L3MBTL4: variants seen among roughly 807,000 people sequenced by gnomAD.
The protein encoded by L3MBTL4 is L3MBTL histone methyl-lysine binding protein 4.
Under a neutral mutation model 84.5 loss-of-function variants are expected in L3MBTL4, and 70 were observed. That is an observed-to-expected ratio of 0.83 (90% CI 0.68 to 1.01). L3MBTL4 has a LOEUF of 1.01. L3MBTL4 is among the 50% of genes least tolerant of loss of function. The pLI, the probability that L3MBTL4 is intolerant of heterozygous loss-of-function variation, is 0.00. For synonymous variants in L3MBTL4, 274 were observed against 259.8 expected (o/e 1.05, Z -0.52); for missense variants, 715 against 754.8 (o/e 0.95, Z 0.62).
chr18:6,163,259 TGGGGGG>T (rs71163263), intron 13 of L3MBTL4, among the ~76,000 whole-genome samples: 24 of 57,388 alleles, frequency 4.2e-4, no homozygotes, highest in Admixed American at 4.1e-3. Context: ...TGTGTGTGTG[TGGGGGG>T]GGGGTGGGTG....
At chr18:6,068,659 T>C (rs567642488) in intron 16 of L3MBTL4, among the ~76,000 whole-genome samples, 22 of 152,326 alleles carry the variant, frequency 1.4e-4, no homozygotes, top group African/African-American at 5.3e-4. Flanking sequence ...TATGTGCATC[T>C]ACACTGCATT....
intron 14 of L3MBTL4, among the ~76,000 whole-genome samples, chr18:6,131,821 C>G (rs900473699): frequency 6.6e-6 from 1 of 152,100 alleles, no homozygotes; most frequent in African/African-American, 2.4e-5. Context: ...CACTTTTAAT[C>G]TTTTAGAGCT....
chr18:6,395,032 TC>T (rs1482616441), intron 1 of L3MBTL4: 1 of 152,178 alleles, frequency 6.6e-6, no homozygotes, highest in Non-Finnish European at 1.5e-5. Context: ...AATATCTTGT[TC>T]CGTTACTTCA....
intron 1 of L3MBTL4, among the ~76,000 whole-genome samples, chr18:6,342,443 T>G (rs1380377445): frequency 6.6e-6 from 1 of 152,084 alleles, no homozygotes; most frequent in Non-Finnish European, 1.5e-5. Flanking sequence ...ACATAAAATT[T>G]TGTGGGGTGA....
chr18:6,324,624 T>C (rs1054667754), intron 1 of L3MBTL4, among the ~76,000 whole-genome samples: 3 of 152,182 alleles, frequency 2.0e-5, no homozygotes, highest in Non-Finnish European at 4.4e-5. Flanking sequence ...TACTTACCAT[T>C]AAAAAGATCA....
At chr18:6,031,910 T>C (rs2055821112) in intron 16 of L3MBTL4, 7 of 836,330 alleles carry the variant, frequency 8.4e-6, no homozygotes, top group African/African-American at 7.4e-5. Context: ...TTTAGAGTAA[T>C]GGTCACCTGC....
intron 8 of L3MBTL4, among the ~76,000 whole-genome samples, chr18:6,241,138 C>T (rs559042382): frequency 6.6e-6 from 1 of 152,142 alleles, no homozygotes; most frequent in African/African-American, 2.4e-5. Context: ...TTAAGTTTTC[C>T]CAACTTTTTC....
At chr18:6,299,552 C>T (rs979322132) in intron 4 of L3MBTL4, among the ~76,000 whole-genome samples, 9 of 152,320 alleles carry the variant, frequency 5.9e-5, no homozygotes, top group South Asian at 2.1e-4. Context: ...AGCTGTAACA[C>T]GGGCTTCAGT....
At chr18:6,088,549 C>T (rs1037602455) in intron 15 of L3MBTL4, among the ~76,000 whole-genome samples, 6 of 143,384 alleles carry the variant, frequency 4.2e-5, no homozygotes, top group South Asian at 2.1e-4. Flanking sequence ...ACACTGCAGG[C>T]GATGATGGGG....
At chr18:6,170,651 C>G (rs2043923772) in intron 13 of L3MBTL4, among the ~76,000 whole-genome samples, 1 of 152,082 alleles carries the variant, frequency 6.6e-6, no homozygotes, top group East Asian at 1.9e-4. Flanking sequence ...GTCCCTGTAT[C>G]TGCAATGCTG....
At chr18:5,981,901 G>T (rs915965644) in intron 16 of L3MBTL4, among the ~76,000 whole-genome samples, 4 of 150,766 alleles carry the variant, frequency 2.7e-5, no homozygotes, top group African/African-American at 9.8e-5. Flanking sequence ...AATATCTCCC[G>T]ATGCAACATG....
rs150327087 is a variant in L3MBTL4 at position 6,007,444 on chromosome 18, A to G, written c.1445-37882T>C. 5.9e-5 allele frequency among the ~76,000 whole-genome samples: 9 copies of G among 152,358 alleles called. No individual in the cohort carries two copies. The East Asian group carries it at 1.7e-3, about 29-fold the overall frequency. ...TTTCAATTTACCTTGTTGGAAAAAA[A>G]TTCAAATGTTTGATAACATGTTTTA... On this transcript the variant is annotated intron_variant, in intron 16 of 18. Transcript: ENST00000317931.
At chr18:6,302,351 C>T (rs71360027) in intron 3 of L3MBTL4, among the ~76,000 whole-genome samples, 1,658 of 152,310 alleles carry the variant, frequency 0.011, 21 homozygotes, top group Non-Finnish European at 0.018. Context: ...TCTGGGTCTA[C>T]TACAGTTTGT....
chr18:6,324,265 G>A (rs1367359758), intron 1 of L3MBTL4, among the ~76,000 whole-genome samples: 1 of 152,218 alleles, frequency 6.6e-6, no homozygotes, highest in African/African-American at 2.4e-5. Context: ...CTAGGGCAGT[G>A]CAGAGGGGAA....
In L3MBTL4 at chr18:6,215,816, A is replaced by T. The variant is rs1189479609; in HGVS notation, c.804T>A (p.Asn268Lys). 3 of 1,599,944 alleles carry T rather than the reference A, an allele frequency of 1.9e-6. No individual in the cohort carries two copies. In the East Asian group the frequency reaches 6.7e-5, roughly 36 times the overall value. Residue 268 changes from asparagine (N) to lysine (K), a missense_variant, in exon 11 of 19, where the codon AAT (asparagine) becomes AAA (lysine). Asn to Lys is a moderately conservative substitution (Grantham distance 94). Transcript: ENST00000317931. ...CTTCCAGGTATTCTGTCCAGGAAAA[A>T]TTTTCTGGATTGGGATAACCTGAAA... ...IAPQGYPNPE[N>K]FSWTEYLEAT...
intron 12 of L3MBTL4, among the ~76,000 whole-genome samples, chr18:6,184,111 C>T (rs766931702): frequency 2.5e-4 from 38 of 152,074 alleles, no homozygotes; most frequent in South Asian, 6.2e-4. Context: ...AAAATGAATG[C>T]ATCATGTACA....
chr18:6,124,496 A>T (rs115120262), intron 14 of L3MBTL4, among the ~76,000 whole-genome samples: 2,371 of 150,812 alleles, frequency 0.016, 66 homozygotes, highest in African/African-American at 0.055. Context: ...TACATGCAGT[A>T]CACTATCAAT....
intron 1 of L3MBTL4, among the ~76,000 whole-genome samples, chr18:6,355,259 T>C (rs1294899780): frequency 6.6e-6 from 1 of 152,248 alleles, no homozygotes; most frequent in Non-Finnish European, 1.5e-5. Context: ...GTGATTATTA[T>C]GCATTGCATG....
At chr18:6,234,470 GA>G (rs1371849550) in intron 10 of L3MBTL4, among the ~76,000 whole-genome samples, 2 of 151,924 alleles carry the variant, frequency 1.3e-5, no homozygotes, top group African/African-American at 4.8e-5. Context: ...AAATTTACAA[GA>G]AAAAAACAAA....
Sources: gnomAD v4.1 joint callset for allele counts (sites outside exome capture counted in the v4.1 genomes callset) on GRCh38, gnomAD v4.1.1 for gene constraint, MANE v1.5 for transcripts, NCBI Gene and HGNC (gene_info 2026-07-23, HGNC 2026-07-21) for gene names.